DNAJC13: variants seen among roughly 807,000 people sequenced by gnomAD.
The protein encoded by DNAJC13 is DnaJ heat shock protein family (Hsp40) member C13, also known as dnaJ homolog subfamily C member 13.
A neutral mutation model predicts 290.5 loss-of-function variants in DNAJC13; 75 were observed. The observed-to-expected ratio is 0.26, with a 90% CI of 0.21 to 0.31. The LOEUF (loss-of-function observed/expected upper bound fraction) is 0.31. DNAJC13 is among the 10% of genes least tolerant of loss of function. The pLI is 1.00. For missense variants in DNAJC13, 2,260 were observed against 2,674.5 expected (o/e 0.85, Z 3.42); for synonymous variants, 862 against 892.0 (o/e 0.97, Z 0.60).
At chr3:132,464,852 A>G (rs757422210) in intron 17 of DNAJC13, among the ~76,000 whole-genome samples, 5 of 152,112 alleles carry the variant, frequency 3.3e-5, no homozygotes, top group Non-Finnish European at 5.9e-5. Flanking sequence ...CCCTACTGTG[A>G]TCAATTAGTG....
At chr3:132,473,294 G>A (rs114903891) in intron 21 of DNAJC13, 67 bp downstream of exon 21, 18 of 1,071,270 alleles carry the variant, frequency 1.7e-5, no homozygotes, top group Non-Finnish European at 2.1e-5. Flanking sequence ...ATCATGACAC[G>A]TTCTTCTTCC....
intron 26 of DNAJC13, 51 bp downstream of exon 26, chr3:132,480,521 T>A (rs750073857): frequency 1.1e-5 from 15 of 1,331,140 alleles, no homozygotes; most frequent in Non-Finnish European, 1.3e-5. Flanking sequence ...TGAGTATAAT[T>A]TTAGAGGCAA....
In DNAJC13 at chr3:132,499,203, T is replaced by C. The variant is rs1423726428; in HGVS notation, c.4234T>C (p.Phe1412Leu). 6 of 1,614,006 alleles carry C rather than the reference T, an allele frequency of 3.7e-6. No homozygotes were observed. The Admixed American group carries it at 1.0e-4, about 27-fold the overall frequency. ...ITMETSDDLL[F>L]SKESPLLPAA... ...AATGGAAACTTCAGATGACCTCCTT[T>C]TCTCAAAAGAATCACCATTGTTGCC... The change falls in exon 37 of 56, where the codon TTC becomes CTC. Residue 1412 changes from phenylalanine to leucine, a missense_variant. Transcript: ENST00000260818.
At chr3:132,431,414 A>G (rs1003810529) in intron 1 of DNAJC13, among the ~76,000 whole-genome samples, 2 of 152,142 alleles carry the variant, frequency 1.3e-5, no homozygotes, top group African/African-American at 4.8e-5. Flanking sequence ...GGTGGTTACA[A>G]TTTAAAACAA....
At chr3:132,476,038 A>G (rs1934461116) in intron 22 of DNAJC13, among the ~76,000 whole-genome samples, 1 of 152,100 alleles carries the variant, frequency 6.6e-6, no homozygotes, top group Non-Finnish European at 1.5e-5. Context: ...GGCTCAAGCA[A>G]TCCTTCCACC....
chr3:132,490,774 A>G (rs780350743), intron 31 of DNAJC13, 123 bp from the exon 32 acceptor site: 5 of 1,043,140 alleles, frequency 4.8e-6, no homozygotes, highest in Non-Finnish European at 6.6e-6. Context: ...CCCAAAGCAT[A>G]AAAGCAATTT....
At chr3:132,428,763 C>T (rs982023286) in intron 1 of DNAJC13, among the ~76,000 whole-genome samples, 26 of 152,192 alleles carry the variant, frequency 1.7e-4, no homozygotes, top group African/African-American at 6.0e-4. Context: ...CAGACGGAGT[C>T]CTGCTCTGTC....
At chr3:132,424,555 A>G (rs1939042676) in intron 1 of DNAJC13, among the ~76,000 whole-genome samples, 1 of 152,156 alleles carries the variant, frequency 6.6e-6, no homozygotes, top group African/African-American at 2.4e-5. Flanking sequence ...TTTAAAAACA[A>G]TGGTGGAGAT....
intron 5 of DNAJC13, among the ~76,000 whole-genome samples, chr3:132,448,146 TG>T (rs934101272): frequency 2.0e-5 from 3 of 151,916 alleles, no homozygotes; most frequent in African/African-American, 7.3e-5. Flanking sequence ...TACTGGTAGA[TG>T]GGGGGAAAAA....
intron 34 of DNAJC13, 37 bp from the exon 35 acceptor site, chr3:132,495,051 C>CTTTAT (rs772329371): frequency 1.9e-5 from 28 of 1,439,284 alleles, no homozygotes; most frequent in Non-Finnish European, 2.5e-5. Flanking sequence ...TTTCTTGTGC[C>CTTTAT]TTACTATACT....
chr3:132,425,549 T>A (rs918604900), intron 1 of DNAJC13, among the ~76,000 whole-genome samples: 11 of 152,208 alleles, frequency 7.2e-5, no homozygotes, highest in Non-Finnish European at 1.5e-4. Flanking sequence ...CAAAACAAAT[T>A]CACATTTTTA....
intron 2 of DNAJC13, among the ~76,000 whole-genome samples, chr3:132,437,155 A>G (rs1939405719): frequency 6.6e-6 from 1 of 152,198 alleles, no homozygotes; most frequent in South Asian, 2.1e-4. Context: ...CAGGGATTGC[A>G]GGTGTGAGCC....
intron 1 of DNAJC13, among the ~76,000 whole-genome samples, chr3:132,434,202 T>TC (rs1465465315): frequency 8.0e-6 from 1 of 124,304 alleles, no homozygotes; most frequent in Admixed American, 8.5e-5. Flanking sequence ...AGTGCGAGAC[T>TC]CCATCTCAAA....
At chr3:132,488,917 A>T in intron 30 of DNAJC13, 59 bp from the exon 31 acceptor site, 1 of 1,330,160 alleles carries the variant, frequency 7.5e-7, no homozygotes, top group Non-Finnish European at 1.1e-6. Flanking sequence ...TTAGAAAACT[A>T]AGGTTACAAA....
intron 55 of DNAJC13, among the ~76,000 whole-genome samples, chr3:132,531,913 T>A (rs1276371357): frequency 6.6e-6 from 1 of 152,168 alleles, no homozygotes; most frequent in Non-Finnish European, 1.5e-5. Flanking sequence ...AATGAAAGGA[T>A]GTTTTACTGC....
In DNAJC13 at chr3:132,492,383, A is replaced by T. The variant is rs985465769; in HGVS notation, c.3624-31A>T. 2.5e-6 allele frequency: 4 copies of T among 1,608,902 alleles called. No individual in the cohort carries two copies. In the Admixed American group the frequency reaches 5.0e-5, roughly 20 times the overall value. On this transcript the variant is annotated intron_variant, in intron 32 of 55. Coordinates refer to ENST00000260818, the MANE Select transcript of DNAJC13 (RefSeq NM_015268.4). The stretch of plus-strand genomic sequence containing the variant: ...CCTTCTCTTTAAAATAATACCTCAT[A>T]AAGCTTGAATGGAGGTTTTTATGAT...
intron 44 of DNAJC13, 42 bp downstream of exon 44, chr3:132,511,286 A>G: frequency 6.3e-7 from 1 of 1,576,198 alleles, no homozygotes; most frequent in Non-Finnish European, 8.6e-7. Flanking sequence ...CGTATAATAC[A>G]GGAGCCCTAA....
chr3:132,500,863 G>A lies in DNAJC13; in HGVS notation c.4486G>A (p.Glu1496Lys), dbSNP rs1935386514. ...QFEECREKIT[E>K]MPSIIKDLCR... ...TGAGGAATGCCGAGAGAAGATCACG[G>A]AAATGCCTAGCATCATCAAGGATCT... The change falls in exon 39 of 56, where the codon GAA (glutamate) becomes AAA (lysine). Residue 1496 changes from glutamate (E) to lysine (K), a missense_variant. Around this residue, in one of 3 missense-constraint regions of DNAJC13, gnomAD observed 1,494 missense variants for 1,693.7 expected, o/e 0.88. Coordinates refer to ENST00000260818, the MANE Select transcript of DNAJC13 (RefSeq NM_015268.4). 6.2e-7 allele frequency: 1 copy of A among 1,614,102 alleles called. No homozygotes were observed. Among genetic ancestry groups the A allele is most frequent in the Non-Finnish European group, 8.5e-7 (1 of 1,179,974 alleles).
At chr3:132,453,863 C>G (rs1933500805) in intron 8 of DNAJC13, among the ~76,000 whole-genome samples, 169 bp downstream of exon 8, 1 of 152,066 alleles carries the variant, frequency 6.6e-6, no homozygotes, top group Non-Finnish European at 1.5e-5. Context: ...ATGATTATTA[C>G]AAAAGTTATT....
Sources: allele counts gnomAD v4.1 joint callset (sites outside exome capture counted in the v4.1 genomes callset), GRCh38; gene constraint gnomAD v4.1.1; regional missense constraint gnomAD v4.1.1; transcripts MANE v1.5; gene names NCBI Gene and HGNC (gene_info 2026-07-23, HGNC 2026-07-21).